The following GPI variants were observed in gnomAD, a reference collection of about 807,000 sequenced individuals.
GPI encodes glucose-6-phosphate isomerase.
In GPI, 56 loss-of-function variants were observed where a neutral mutation model predicts 75.8. That is an observed-to-expected ratio of 0.74 (90% CI 0.60 to 0.92). The LOEUF (loss-of-function observed/expected upper bound fraction) is 0.92. Among genes scored for constraint, GPI ranks in the 40% least tolerant of loss-of-function variants. The probability of loss-of-function intolerance (pLI) is 0.00; values close to 1 mark genes in which losing one functional copy is unlikely to be tolerated. For synonymous variants in GPI, 288 were observed against 285.4 expected, an observed-to-expected ratio of 1.01 and a Z score of -0.09; for missense variants, 638 against 741.0, an observed-to-expected ratio of 0.86 and a Z score of 1.61.
intron 9 of GPI, 53 bp downstream of exon 9, chr19:34,381,572 T>TG: frequency 7.9e-7 from 1 of 1,258,396 alleles, no homozygotes; most frequent in Non-Finnish European, 1.2e-6. Flanking sequence ...TGCCAAGTCA[T>TG]GGCTGTTGAG....
intron 9 of GPI, among the ~76,000 whole-genome samples, chr19:34,391,960 T>C: frequency 3.8e-3 from 3 of 786 alleles, no homozygotes; most frequent in Admixed American, 0.031. Context: ...CTGGCATGAG[T>C]ATGAGGATTT....
In GPI at chr19:34,399,782, G is replaced by T. The variant is rs748351617; in HGVS notation, c.1538G>T (p.Trp513Leu). 2 of 1,614,006 alleles carry T rather than the reference G, an allele frequency of 1.2e-6. No individual in the cohort carries two copies. Among genetic ancestry groups the T allele is most frequent in the Non-Finnish European group, 8.5e-7 (1 of 1,179,912 alleles). The change falls in exon 17 of 18, where the codon TGG (tryptophan) becomes TTG (leucine). Residue 513 changes from tryptophan (W) to leucine (L), a missense_variant. By Grantham distance (61) the Trp-to-Leu change is moderately conservative. Transcript: ENST00000356487. ...IIWDINSFDQ[W>L]GVELGKQLAK... ...TGGGACATCAACAGCTTTGACCAGT[G>T]GGGGTGAGTTGCTCACTTAGGGGAG... is the stretch of plus-strand genomic sequence containing the variant.
At position 34,365,333 on chromosome 19, in the gene GPI, G is replaced by A. The variant is rs781623690; in HGVS notation, c.67G>A (p.Glu23Lys). The change falls in exon 1 of 18, where the codon GAG (glutamate) becomes AAG (lysine). Residue 23 changes from glutamate (E) to lysine (K), a missense_variant. By Grantham distance (56) the Glu-to-Lys change is moderately conservative (BLOSUM62 1). Coordinates refer to ENST00000356487, the MANE Select transcript of GPI (RefSeq NM_000175.5). ...GCAATGGTACCGCGAGCACCGCTCC[G>A]AGCTGAACCTGCGCCGCCTCTTCGA... ...LQQWYREHRSELNLRRLFDAN... is the reference protein window; with the variant it reads ...LQQWYREHRSKLNLRRLFDAN... 1.3e-6 allele frequency: 2 copies of A among 1,592,104 alleles called. No homozygotes were observed. Among genetic ancestry groups the A allele is most frequent in the South Asian group, 1.1e-5 (1 of 89,268 alleles).
At chr19:34,377,957 C>A (rs903891315) in intron 6 of GPI, 76 bp downstream of exon 6, 23 of 1,493,374 alleles carry the variant, frequency 1.5e-5, no homozygotes, top group Non-Finnish European at 2.1e-5. Context: ...CTTGCCATCC[C>A]CCTGGCCATT....
chr19:34,390,103 G>T (rs1306926073), intron 9 of GPI, among the ~76,000 whole-genome samples: 1 of 151,872 alleles, frequency 6.6e-6, no homozygotes, highest in East Asian at 1.9e-4. Context: ...CTAAGGTTCT[G>T]GATCTGTCAG....
intron 3 of GPI, chr19:34,367,131 G>C (rs775342183): frequency 5.2e-5 from 30 of 578,506 alleles, no homozygotes; most frequent in Non-Finnish European, 8.6e-5. Context: ...CATTTTCTTG[G>C]AGAAGTTAAC....
In GPI at chr19:34,368,565, C is replaced by A; in HGVS notation, c.283-18C>A. ...GGGTTGGGGGGGGCAGTCTTTATAT[C>A]CTGACCGTAATCCCCAGGGTCGAGC... On this transcript the variant is annotated intron_variant, in intron 3 of 17. Transcript: ENST00000356487. The A allele has an allele frequency of 6.2e-7, 1 of 1,614,094 alleles. No individual in the cohort carries two copies. The highest frequency in any genetic ancestry group is 8.5e-7 in the Non-Finnish European group (1 of 1,179,958).
intron 4 of GPI, among the ~76,000 whole-genome samples, chr19:34,375,288 A>G (rs1285780477): frequency 1.3e-5 from 2 of 151,822 alleles, no homozygotes; most frequent in African/African-American, 4.8e-5. Flanking sequence ...GATTACAGGC[A>G]CACGCCACCA....
At chr19:34,376,442 A>C (rs1012146935) in intron 4 of GPI, among the ~76,000 whole-genome samples, 23 of 151,996 alleles carry the variant, frequency 1.5e-4, no homozygotes, top group African/African-American at 5.6e-4. Flanking sequence ...CTGTAATCCC[A>C]GCTACTTGGG....
Position 34,393,434 on chromosome 19 carries a change from C to A in GPI, c.865+126C>A. ...AGGCTGCTGGCCTCTCTGCAGCTGG[C>A]TGGGATATTTATTTCATGTCCAGAA... On this transcript the variant is annotated intron_variant, in intron 10 of 17. Coordinates refer to ENST00000356487, the MANE Select transcript of GPI (RefSeq NM_000175.5). The surrounding 1 kb of genome is among the most constrained non-coding windows in gnomAD (Gnocchi z 4.4). 1.2e-6 allele frequency: 1 copy of A among 853,546 alleles called. No individual in the cohort carries two copies. Among genetic ancestry groups the A allele is most frequent in the Middle Eastern group, 2.2e-4 (1 of 4,608 alleles). 52.9% of individuals were successfully genotyped at this position (853,546 alleles called of 1,614,324 possible). A position where few individuals can be genotyped will look rare whatever the true frequency, so the allele number is the denominator to read the frequency against.
chr19:34,365,187 ACGCGCCTCGCTTGCTGCGCGCTGCCGG>A (rs2074337506), exon 1 of GPI: 5 of 1,324,016 alleles, frequency 3.8e-6, no homozygotes, highest in Middle Eastern at 2.5e-4. Flanking sequence ...CCGCGCGCCC[ACGCGCCTCGCTTGCTGCGCGCTGCCGG>A]CGCTCCTTCC....
upstream of GPI, among the ~76,000 whole-genome samples, chr19:34,361,544 G>C (rs2074301518): frequency 6.6e-6 from 1 of 152,148 alleles, no homozygotes; most frequent in African/African-American, 2.4e-5. Flanking sequence ...TAGTTTTGTA[G>C]TATGATGATG....
chr19:34,393,884 C>T lies in GPI; in HGVS notation c.910-30C>T. The T allele has an allele frequency of 6.2e-7, 1 of 1,612,948 alleles. No individual in the cohort carries two copies. The highest frequency in any genetic ancestry group is 8.5e-7 in the Non-Finnish European group (1 of 1,179,572). On this transcript the variant is annotated intron_variant, in intron 11 of 17. Transcript: ENST00000356487. This position sits in a 1 kb window ranked among gnomAD's most constrained non-coding sequence, Gnocchi z 4.4. ...TCCCTCCCCTCCCCGTGCAGCTGCTCAGCTCCCACTCATCCTGCTCCTGTT... is the reference window on the plus strand; with the variant it reads ...TCCCTCCCCTCCCCGTGCAGCTGCTTAGCTCCCACTCATCCTGCTCCTGTT...
intron 17 of GPI, 34 bp downstream of exon 17, chr19:34,399,819 C>G: frequency 6.2e-7 from 1 of 1,612,878 alleles, no homozygotes; most frequent in Non-Finnish European, 8.5e-7. Flanking sequence ...GCCGGGAATA[C>G]CTTTGTGTCG....
chr19:34,388,499 G>A (rs968984384), intron 9 of GPI, among the ~76,000 whole-genome samples: 3 of 152,076 alleles, frequency 2.0e-5, no homozygotes, highest in Admixed American at 6.6e-5. Context: ...AGTGAGTAAA[G>A]TGAGGAAAAA....
In GPI at chr19:34,400,683, G is replaced by C; in HGVS notation, c.*647G>C. The C allele has an allele frequency of 5.0e-6, 2 of 403,530 alleles. No homozygotes were observed. The highest frequency in any genetic ancestry group is 8.7e-6 in the Non-Finnish European group (2 of 229,016). The allele number at this position is 403,530 out of a possible 1,614,324, so 25.0% of individuals were successfully genotyped here. On this transcript the variant is annotated 3_prime_UTR_variant, in exon 18 of 18. Coordinates refer to ENST00000356487, the MANE Select transcript of GPI (RefSeq NM_000175.5). ...GACCGAGGATGACTGCCATCTCCTG[G>C]CAAGACGCTCAGGTAGTTCTTTTGC...
In GPI at chr19:34,400,940, G is replaced by C. The variant is rs558725747; in HGVS notation, c.*904G>C. 11 of 239,456 alleles carry C rather than the reference G, an allele frequency of 4.6e-5. No homozygotes were observed. In the South Asian group the frequency reaches 2.0e-3, roughly 43 times the overall value. The allele number at this position is 239,456 out of a possible 1,614,324, so 14.8% of individuals were successfully genotyped here. On this transcript the variant is annotated 3_prime_UTR_variant, in exon 18 of 18. Coordinates refer to ENST00000356487, the MANE Select transcript of GPI (RefSeq NM_000175.5). ...GGGGTTTTACCATGTTGGGCAGGCT[G>C]GTCTTGAACTCCTGACCTCAGGTGA...
chr19:34,394,036 C>T lies in GPI; in HGVS notation c.1032C>T (p.Tyr344=), dbSNP rs1253939774. The T allele has an allele frequency of 1.2e-6, 2 of 1,612,892 alleles. No individual in the cohort carries two copies. The highest frequency in any genetic ancestry group is 1.7e-6 in the Non-Finnish European group (2 of 1,179,760). Residue 344 remains tyrosine, a synonymous_variant, in exon 12 of 18, where the codon TAC becomes TAT. Transcript: ENST00000356487. ...ETHAMLPYDQ[Y]LHRFAAYFQQ... ...ACGCCATGCTGCCCTATGACCAGTA[C>T]CTGCACCGCTTTGCTGCGTACTTCC...
At chr19:34,377,351 A>T (rs2074561388) in intron 4 of GPI, 152 bp from the exon 5 acceptor site, 1 of 276,292 alleles carries the variant, frequency 3.6e-6, no homozygotes, top group Non-Finnish European at 6.9e-6. Context: ...ATATATATAT[A>T]TATATATGGT....
Sources: gnomAD v4.1 joint callset for allele counts (sites outside exome capture counted in the v4.1 genomes callset) on GRCh38, gnomAD v4.1.1 for gene constraint, Gnocchi (gnomAD v3.1) non-coding constraint, MANE v1.5 for transcripts, NCBI Gene and HGNC (gene_info 2026-07-23, HGNC 2026-07-21) for gene names.